CACNA1D: variants seen among roughly 807,000 people sequenced by gnomAD.
CACNA1D encodes the protein voltage-dependent L-type calcium channel subunit alpha-1D.
Under a neutral mutation model 257.1 loss-of-function variants are expected in CACNA1D, and 55 were observed. The observed-to-expected ratio is 0.21, with a 90% CI of 0.17 to 0.27. The LOEUF is 0.27. Ranked by LOEUF, CACNA1D falls within the 10% of genes least tolerant of loss-of-function variation. The pLI is 1.00. For missense variants in CACNA1D, 1,876 were observed against 2,784.0 expected (o/e 0.67, Z 7.34); for synonymous variants, 980 against 1,014.9 (o/e 0.97, Z 0.65).
intron 3 of CACNA1D, among the ~76,000 whole-genome samples, chr3:53,599,954 T>G (rs2093421449): frequency 6.6e-6 from 1 of 152,238 alleles, no homozygotes; most frequent in Non-Finnish European, 1.5e-5. Flanking sequence ...CATGCTTATT[T>G]GCAGCTAGAT....
intron 9 of CACNA1D, among the ~76,000 whole-genome samples, chr3:53,711,866 C>T (rs749526177): frequency 2.0e-5 from 3 of 152,186 alleles, no homozygotes; most frequent in East Asian, 1.9e-4. Context: ...GGAGGTGGAA[C>T]TTGCCTGAGG....
intron 8 of CACNA1D, among the ~76,000 whole-genome samples, chr3:53,700,177 A>AG (rs953622097): frequency 6.6e-6 from 1 of 151,286 alleles, no homozygotes; most frequent in Non-Finnish European, 1.5e-5. Flanking sequence ...TAAGCTTCTC[A>AG]GGGTAACTCT....
chr3:53,809,763 T>A (rs753894110), intron 46 of CACNA1D: 11 of 595,024 alleles, frequency 1.8e-5, no homozygotes, highest in Middle Eastern at 3.9e-4. Flanking sequence ...AGGAAATGCA[T>A]TATGGATTCG....
intron 1 of CACNA1D, among the ~76,000 whole-genome samples, chr3:53,496,127 T>C (rs1341470080): frequency 6.6e-6 from 1 of 152,254 alleles, no homozygotes; most frequent in Non-Finnish European, 1.5e-5. Flanking sequence ...TTTGACTCTT[T>C]ACTTAGCAAT....
intron 3 of CACNA1D, among the ~76,000 whole-genome samples, chr3:53,504,548 G>A (rs1486766986): frequency 6.6e-5 from 10 of 152,012 alleles, no homozygotes; most frequent in Non-Finnish European, 1.5e-4. Flanking sequence ...TGCAGCTTTC[G>A]TTTATGGACT....
At chr3:53,663,917 C>T (rs1327050681) in intron 5 of CACNA1D, among the ~76,000 whole-genome samples, 2 of 151,970 alleles carry the variant, frequency 1.3e-5, no homozygotes, top group African/African-American at 4.8e-5. Context: ...AGGCGCACAC[C>T]GCCACACCCA....
chr3:53,642,829 C>T (rs2093975267), intron 3 of CACNA1D, among the ~76,000 whole-genome samples: 1 of 152,256 alleles, frequency 6.6e-6, no homozygotes, highest in Non-Finnish European at 1.5e-5. Context: ...GGAGAAACCT[C>T]TTCAGAGAGT....
chr3:53,776,940 A>G lies in CACNA1D; in HGVS notation c.4571A>G (p.His1524Arg), dbSNP rs2095401244. The change falls in exon 37 of 48, where the codon CAC (histidine) becomes CGC (arginine). Residue 1524 changes from histidine to arginine, a missense_variant. By Grantham distance (29) the His-to-Arg change is conservative. This residue lies in a region of CACNA1D where 83 missense variants were observed against 210.7 expected (regional missense o/e 0.39). Coordinates refer to ENST00000350061, the MANE Select transcript of CACNA1D (RefSeq NM_001128840.3). Reference protein sequence around the residue: ...PPLGFGKLCPHRVACKRLVAM... With the variant: ...PPLGFGKLCPRRVACKRLVAM... ...CTGGGGTTTGGGAAGTTATGTCCAC[A>G]CAGGGTAGCGTGCAAGGTGAGTGTC... is the stretch of plus-strand genomic sequence containing the variant. 6.2e-7 allele frequency: 1 copy of G among 1,613,710 alleles called. No individual in the cohort carries two copies.
chr3:53,591,129 G>A (rs928629906), intron 3 of CACNA1D, among the ~76,000 whole-genome samples: 1 of 152,050 alleles, frequency 6.6e-6, no homozygotes, highest in Non-Finnish European at 1.5e-5. Context: ...CACTGTTGGC[G>A]CTTTCACATA....
intron 8 of CACNA1D, among the ~76,000 whole-genome samples, chr3:53,697,843 T>C (rs549906121): frequency 6.6e-6 from 1 of 152,166 alleles, no homozygotes; most frequent in East Asian, 1.9e-4. Context: ...CCATAATGTG[T>C]TTTGGTTTGT....
intron 3 of CACNA1D, among the ~76,000 whole-genome samples, chr3:53,572,130 T>C (rs1352866611): frequency 6.6e-6 from 1 of 152,214 alleles, no homozygotes; most frequent in Non-Finnish European, 1.5e-5. Flanking sequence ...CCCTGACCTG[T>C]TGCTATTCTA....
intron 3 of CACNA1D, among the ~76,000 whole-genome samples, chr3:53,544,307 A>T (rs77907279): frequency 0.026 from 3,980 of 152,278 alleles, 119 homozygotes; most frequent in East Asian, 0.074. Flanking sequence ...TAATTATAGA[A>T]ATTATATAGT....
At chr3:53,810,484 C>A (rs1465821518) in intron 47 of CACNA1D, 186 bp downstream of exon 47, 3 of 669,594 alleles carry the variant, frequency 4.5e-6, no homozygotes, top group Non-Finnish European at 8.1e-6. Flanking sequence ...CCACTGGCTG[C>A]AGTGGCTTAC....
In CACNA1D at chr3:53,634,985, G is replaced by A. The variant is rs554968892; in HGVS notation, c.484-15794G>A. 9.9e-5 allele frequency among the ~76,000 whole-genome samples: 15 copies of A among 152,220 alleles called. 1 individual carries two copies. Among genetic ancestry groups the A allele is most frequent in the African/African-American group, 3.4e-4 (14 of 41,550 alleles). ...CTCAAGAAAGCTGAGGGAAGAATTC[G>A]TCTCATTTAGTGGATGAGGATACAA... On this transcript the variant is annotated intron_variant, in intron 3 of 47. Coordinates refer to ENST00000350061, the MANE Select transcript of CACNA1D (RefSeq NM_001128840.3).
chr3:53,776,620 G>A lies in CACNA1D; in HGVS notation c.4380G>A (p.Val1460=), dbSNP rs1482718328. 1.2e-6 allele frequency: 2 copies of A among 1,614,142 alleles called. No individual in the cohort carries two copies. Among genetic ancestry groups the A allele is most frequent in the African/African-American group, 2.7e-5 (2 of 75,026 alleles). ...TTTTTCAGATCATCAATCTGTTTGTGGCTGTCATCATGGATAATTTCGACT... is the reference window on the plus strand; with the variant it reads ...TTTTTCAGATCATCAATCTGTTTGTAGCTGTCATCATGGATAATTTCGACT... ...LCAFLIINLF[V]AVIMDNFDYL... is the part of the protein sequence containing the mutation. The change falls in exon 36 of 48, where the codon GTG becomes GTA. Residue 1460 remains valine (V), a synonymous_variant. Transcript: ENST00000350061.
rs778282294 is a variant in CACNA1D at position 53,723,622 on chromosome 3, C to T, written c.1855C>T (p.Arg619Trp). Residue 619 changes from arginine to tryptophan, a missense_variant, in exon 13 of 48, where the codon CGG (arginine) becomes TGG (tryptophan). Physicochemically the swap from Arg to Trp is moderately radical, Grantham distance 101. Around this residue, in one of 10 missense-constraint regions of CACNA1D, gnomAD observed 257 missense variants for 399.7 expected, o/e 0.64. Coordinates refer to ENST00000350061, the MANE Select transcript of CACNA1D (RefSeq NM_001128840.3). This position sits in a 1 kb window ranked among gnomAD's most constrained non-coding sequence, Gnocchi z 5.6. ...IMSPLGISVF[R>W]CVRLLRIFKV... ...GTCTCCCCTGGGGATCTCTGTGTTT[C>T]GGTGTGTGCGCCTCTTAAGAATCTT... is the stretch of plus-strand genomic sequence containing the variant. 8 of 1,614,042 alleles carry T rather than the reference C, an allele frequency of 5.0e-6. No individual in the cohort carries two copies. The highest frequency in any genetic ancestry group is 6.8e-6 in the Non-Finnish European group (8 of 1,179,998).
chr3:53,505,149 C>A (rs1317750554), intron 3 of CACNA1D, among the ~76,000 whole-genome samples: 1 of 122,064 alleles, frequency 8.2e-6, no homozygotes, highest in East Asian at 2.3e-4. Context: ...GGCTCTGTTG[C>A]CCAGGCTGGA....
intron 3 of CACNA1D, among the ~76,000 whole-genome samples, chr3:53,589,794 T>C (rs1418742608): frequency 6.6e-6 from 1 of 152,170 alleles, no homozygotes; most frequent in Non-Finnish European, 1.5e-5. Flanking sequence ...CAAAACCATA[T>C]GGATGTCCCA....
chr3:53,656,427 A>T (rs954743967), intron 4 of CACNA1D, among the ~76,000 whole-genome samples: 2 of 152,118 alleles, frequency 1.3e-5, no homozygotes, highest in South Asian at 4.1e-4. Context: ...ATGTTTTTCC[A>T]TTTGTTTGTG....
Sources: allele counts gnomAD v4.1 joint callset (sites outside exome capture counted in the v4.1 genomes callset), GRCh38; gene constraint gnomAD v4.1.1; regional missense constraint gnomAD v4.1.1; non-coding constraint Gnocchi (gnomAD v3.1); transcripts MANE v1.5; gene names NCBI Gene and HGNC (gene_info 2026-07-23, HGNC 2026-07-21).